PPP2R3B: variants seen among roughly 807,000 people sequenced by gnomAD.
PPP2R3B encodes the protein serine/threonine-protein phosphatase 2A regulatory subunit B'' subunit beta.
Under a neutral mutation model 72.9 loss-of-function variants are expected in PPP2R3B, and 68 were observed. That is an observed-to-expected ratio of 0.93 (90% CI 0.77 to 1.14). PPP2R3B has a LOEUF of 1.14. Among genes scored for constraint, PPP2R3B ranks in the 50% most tolerant of loss-of-function variants. PPP2R3B has a pLI of 0.00. For missense variants in PPP2R3B, 1,018 were observed against 842.0 expected, an observed-to-expected ratio of 1.21 and a Z score of -2.59; for synonymous variants, 466 against 375.8, an observed-to-expected ratio of 1.24 and a Z score of -2.78.
At chrX:361,260 C>G (rs2071531920) in intron 2 of PPP2R3B, 145 bp downstream of exon 2, 1 of 871,900 alleles carries the variant, frequency 1.1e-6, no homozygotes, top group South Asian at 1.7e-5. Flanking sequence ...CTGGGCCGCT[C>G]CCGCACACGT....
chrX:343,835 G>C (rs1453999666), intron 7 of PPP2R3B, among the ~76,000 whole-genome samples: 1 of 35,620 alleles, frequency 2.8e-5, no homozygotes, highest in Admixed American at 2.0e-4. Flanking sequence ...AACGGGAGGC[G>C]GTAGGGAGAC....
At chrX:363,584 A>AGTGCATCTTCCC (rs2071603686) in intron 1 of PPP2R3B, among the ~76,000 whole-genome samples, 1 of 115,612 alleles carries the variant, frequency 8.6e-6, no homozygotes, top group African/African-American at 3.6e-5. Flanking sequence ...ACGATCCCAC[A>AGTGCATCTTCCC]ATGCATCTCC....
Position 345,466 on chromosome X carries a change from G to A in PPP2R3B, c.1036+50C>T, listed in dbSNP as rs773629902. ...TGCAGACCCGCAGGCCCTGAGAGAA[G>A]GGTGTGCTCGGTGTCCGCGCGGCCC... On this transcript the variant is annotated intron_variant, in intron 7 of 12. Coordinates refer to ENST00000390665, the MANE Select transcript of PPP2R3B (RefSeq NM_013239.5). 5 of 1,608,990 alleles carry A rather than the reference G, an allele frequency of 3.1e-6. No individual in the cohort carries two copies. The South Asian group carries it at 3.3e-5, about 11-fold the overall frequency.
chrX:386,253 T>C lies in PPP2R3B; in HGVS notation c.324+115A>G, dbSNP rs1358952529. ...GGGTCGGGGCGGGGAACAGACTCAA[T>C]ATGAAACCGTTTTGGGGTCTGACGC... On this transcript the variant is annotated intron_variant, in intron 1 of 12. Coordinates refer to ENST00000390665, the MANE Select transcript of PPP2R3B (RefSeq NM_013239.5). 10 of 852,592 alleles carry C rather than the reference T, an allele frequency of 1.2e-5. No homozygotes were observed. The African/African-American group carries it at 1.4e-4, about 12-fold the overall frequency. The allele number at this position is 852,592 out of a possible 1,614,324, so 52.8% of individuals were successfully genotyped here. A position where few individuals can be genotyped will look rare whatever the true frequency, so the allele number is the denominator to read the frequency against.
In PPP2R3B at chrX:361,389, C is replaced by T; in HGVS notation, c.510+16G>A. The T allele has an allele frequency of 6.2e-7, 1 of 1,613,672 alleles. No homozygotes were observed. Among genetic ancestry groups the T allele is most frequent in the Non-Finnish European group, 8.5e-7 (1 of 1,179,630 alleles). ...GTACCACCTCGGCTGCTCCACGTCC[C>T]ACGCGTGACACGTACCTTGGCCACC... On this transcript the variant is annotated intron_variant, in intron 2 of 12. Coordinates refer to ENST00000390665, the MANE Select transcript of PPP2R3B (RefSeq NM_013239.5).
chrX:341,865 C>CTGTACGTCAG lies in PPP2R3B; in HGVS notation c.1085+17_1085+18insCTGACGTACA. ...CGCAGGGGCAATGGCTGCCGTCAGG[C>CTGTACGTCAG]GCCTGAGCCGTACGTACCGTGTGAC... On this transcript the variant is annotated intron_variant, in intron 8 of 12. Coordinates refer to ENST00000390665, the MANE Select transcript of PPP2R3B (RefSeq NM_013239.5). The CTGTACGTCAG allele has an allele frequency of 1.2e-6, 2 of 1,612,402 alleles. No individual in the cohort carries two copies. The highest frequency in any genetic ancestry group is 1.7e-6 in the Non-Finnish European group (2 of 1,179,572).
chrX:338,957 GT>G, intron 10 of PPP2R3B, 61 bp from the exon 11 acceptor site: 2 of 1,396,924 alleles, frequency 1.4e-6, no homozygotes, highest in Non-Finnish European at 2.0e-6. Context: ...GGGCCTGGGT[GT>G]GGGGTGCGCG....
At chrX:374,128 G>C (rs1206910386) in intron 1 of PPP2R3B, 2 of 150,966 alleles carry the variant, frequency 1.3e-5, no homozygotes, top group Admixed American at 1.3e-4. Flanking sequence ...CCCGAGAGGA[G>C]AGCCTGGGCG....
intron 2 of PPP2R3B, among the ~76,000 whole-genome samples, chrX:351,432 C>T (rs369028227): frequency 3.3e-5 from 5 of 152,164 alleles, no homozygotes; most frequent in Middle Eastern, 3.2e-3. Context: ...CGTCATGACC[C>T]GGTGGCAGGG....
intron 1 of PPP2R3B, among the ~76,000 whole-genome samples, chrX:381,346 G>A (rs1451439794): frequency 2.6e-5 from 4 of 152,178 alleles, no homozygotes; most frequent in Non-Finnish European, 4.4e-5. Flanking sequence ...CGTAGGTAAC[G>A]TAAAACAATG....
At chrX:353,167 AG>A (rs1443955103) in intron 2 of PPP2R3B, among the ~76,000 whole-genome samples, 1 of 152,144 alleles carries the variant, frequency 6.6e-6, no homozygotes, top group Non-Finnish European at 1.5e-5. Context: ...CGAGGTCAAG[AG>A]TTCGAGACCA....
intron 2 of PPP2R3B, among the ~76,000 whole-genome samples, chrX:357,975 C>A (rs997421485): frequency 8.5e-5 from 13 of 152,142 alleles, no homozygotes; most frequent in African/African-American, 3.1e-4. Flanking sequence ...CACGGGGGGA[C>A]CCCCCTCATC....
chrX:382,086 C>T (rs746664612), intron 1 of PPP2R3B, among the ~76,000 whole-genome samples: 7 of 152,244 alleles, frequency 4.6e-5, no homozygotes, highest in African/African-American at 1.7e-4. Flanking sequence ...ATCCTGCACC[C>T]TGCACACCCT....
chrX:372,459 G>C (rs1375998122), intron 1 of PPP2R3B, among the ~76,000 whole-genome samples: 1 of 152,214 alleles, frequency 6.6e-6, no homozygotes, highest in Non-Finnish European at 1.5e-5. Context: ...GTGGGTGTGA[G>C]GCGCCCGCCA....
chrX:383,654 G>C (rs919857898), intron 1 of PPP2R3B, among the ~76,000 whole-genome samples: 1 of 151,554 alleles, frequency 6.6e-6, no homozygotes, highest in Non-Finnish European at 1.5e-5. Context: ...CGGCTAACAC[G>C]GTGAAACCCC....
rs763864893 is a variant in PPP2R3B, at chrX:386,413, G to A, written c.279C>T (p.Asn93=). Residue 93 remains asparagine, a synonymous_variant, in exon 1 of 13, where the codon AAC becomes AAT. Transcript: ENST00000390665. ...TACGGGTGCCTCGAACGTGGGGCGCGTTCCTGGGGCTGGAGGCGGCGCCCA... is the reference window on the plus strand; with the variant it reads ...TACGGGTGCCTCGAACGTGGGGCGCATTCCTGGGGCTGGAGGCGGCGCCCA... ...LPLGAASSPR[N]APHVRGTRRS... is the part of the protein sequence containing the mutation. 5 of 1,319,702 alleles carry A rather than the reference G, an allele frequency of 3.8e-6. No homozygotes were observed. Among genetic ancestry groups the A allele is most frequent in the South Asian group, 3.1e-5 (1 of 32,256 alleles). The allele number at this position is 1,319,702 out of a possible 1,614,324, so 81.7% of individuals were successfully genotyped here.
At chrX:359,794 A>G (rs1387716603) in intron 2 of PPP2R3B, 1 of 498,166 alleles carries the variant, frequency 2.0e-6, no homozygotes, top group Non-Finnish European at 3.9e-6. Flanking sequence ...TCATATTAAA[A>G]GCTAAAATAA....
At chrX:386,020 T>C (rs989958185) in intron 1 of PPP2R3B, among the ~76,000 whole-genome samples, 2 of 152,134 alleles carry the variant, frequency 1.3e-5, no homozygotes, top group African/African-American at 4.8e-5. Flanking sequence ...AGGCAGAGGT[T>C]GCAGTGAGCC....
intron 1 of PPP2R3B, among the ~76,000 whole-genome samples, chrX:363,377 C>A (rs2071590064): frequency 6.6e-6 from 1 of 150,922 alleles, no homozygotes; most frequent in Non-Finnish European, 1.5e-5. Context: ...GCCCACCATC[C>A]CACAGTGCAT....
Sources: allele counts gnomAD v4.1 joint callset (sites outside exome capture counted in the v4.1 genomes callset), GRCh38; gene constraint gnomAD v4.1.1; transcripts MANE v1.5; gene names NCBI Gene and HGNC (gene_info 2026-07-23, HGNC 2026-07-21).